RSRC1: variants seen among roughly 807,000 people sequenced by gnomAD.
The protein encoded by RSRC1 is arginine and serine rich coiled-coil 1, also known as serine/Arginine-related protein 53.
RSRC1 carries 39 observed loss-of-function variants against 49.1 expected under a neutral mutation model. The ratio of observed to expected loss-of-function variants is 0.79; its 90% confidence interval spans 0.61 to 1.04. RSRC1 has a LOEUF of 1.04. RSRC1 is among the 50% of genes least tolerant of loss of function. The pLI is 0.00. For synonymous variants in RSRC1, 143 were observed against 130.8 expected, an observed-to-expected ratio of 1.09 and a Z score of -0.63; for missense variants, 388 against 402.4, an observed-to-expected ratio of 0.96 and a Z score of 0.31.
At chr3:158,520,784 T>C (rs946452484) in intron 7 of RSRC1, among the ~76,000 whole-genome samples, 2 of 152,224 alleles carry the variant, frequency 1.3e-5, no homozygotes, top group Admixed American at 6.5e-5. Flanking sequence ...TTTGTGATTA[T>C]TAAATGAGTT....
intron 1 of RSRC1, among the ~76,000 whole-genome samples, chr3:158,117,195 C>T (rs1416110104): frequency 1.3e-5 from 2 of 152,120 alleles, no homozygotes; most frequent in African/African-American, 2.4e-5. Context: ...TTAGAAATTT[C>T]TAGGCTCTTC....
chr3:158,543,272 T>A, intron 8 of RSRC1, 63 bp from the exon 9 acceptor site: 1 of 1,350,906 alleles, frequency 7.4e-7, no homozygotes, highest in Non-Finnish European at 9.7e-7. Context: ...AAATCAGAAA[T>A]ATTTTTGAAG....
At chr3:158,366,408 T>C (rs1361557334) in intron 6 of RSRC1, among the ~76,000 whole-genome samples, 1 of 152,230 alleles carries the variant, frequency 6.6e-6, no homozygotes, top group African/African-American at 2.4e-5. Flanking sequence ...TAGGGAGTCC[T>C]TTCCCCATTT....
At chr3:158,176,567 T>C (rs976406713) in intron 3 of RSRC1, among the ~76,000 whole-genome samples, 5 of 152,290 alleles carry the variant, frequency 3.3e-5, no homozygotes, top group Non-Finnish European at 7.4e-5. Context: ...ATTTAATAAA[T>C]GGTGCTGGGA....
At chr3:158,507,909 C>T (rs1305652684) in intron 7 of RSRC1, among the ~76,000 whole-genome samples, 2 of 151,934 alleles carry the variant, frequency 1.3e-5, no homozygotes, top group Non-Finnish European at 2.9e-5. Flanking sequence ...CCCATTTCAA[C>T]TAAAAAAATT....
At chr3:158,229,039 AAC>A (rs138074688) in intron 4 of RSRC1, among the ~76,000 whole-genome samples, 1 of 25,832 alleles carries the variant, frequency 3.9e-5, no homozygotes, top group Non-Finnish European at 9.3e-5. Flanking sequence ...TGTGTGTATA[AAC>A]ACACATACGT....
intron 5 of RSRC1, among the ~76,000 whole-genome samples, chr3:158,350,178 A>ATT (rs1294069975): frequency 0.021 from 1,707 of 79,574 alleles, 35 homozygotes; most frequent in African/African-American, 0.07. Flanking sequence ...ATATATATAT[A>ATT]ATTTTTTTTT....
intron 5 of RSRC1, among the ~76,000 whole-genome samples, chr3:158,301,111 G>A (rs1241848292): frequency 6.6e-6 from 1 of 151,990 alleles, no homozygotes; most frequent in Non-Finnish European, 1.5e-5. Flanking sequence ...TTCTCTCAAT[G>A]TTGCCAAGTG....
chr3:158,165,163 T>G (rs1718461633), intron 3 of RSRC1, among the ~76,000 whole-genome samples: 1 of 152,218 alleles, frequency 6.6e-6, no homozygotes, highest in South Asian at 2.1e-4. Flanking sequence ...ACACATTAAT[T>G]AGAACCATAA....
chr3:158,468,078 T>C (rs1311753632), intron 7 of RSRC1, among the ~76,000 whole-genome samples: 1 of 152,108 alleles, frequency 6.6e-6, no homozygotes, highest in Non-Finnish European at 1.5e-5. Flanking sequence ...GTACTACAGG[T>C]GCCTGCCACC....
intron 5 of RSRC1, among the ~76,000 whole-genome samples, chr3:158,350,891 C>T (rs1296756247): frequency 1.3e-5 from 2 of 152,162 alleles, no homozygotes; most frequent in East Asian, 3.9e-4. Flanking sequence ...AATTTTAGCA[C>T]GCAGGCCCCA....
intron 7 of RSRC1, among the ~76,000 whole-genome samples, chr3:158,464,809 C>T (rs760442725): frequency 3.3e-5 from 5 of 151,970 alleles, no homozygotes; most frequent in Non-Finnish European, 5.9e-5. Flanking sequence ...TATCCCTGTA[C>T]AACAGGGAGG....
chr3:158,204,625 A>T (rs1157330091), intron 4 of RSRC1, among the ~76,000 whole-genome samples: 1 of 152,172 alleles, frequency 6.6e-6, no homozygotes, highest in African/African-American at 2.4e-5. Context: ...CGAAGGGAGG[A>T]TTTACATACA....
intron 3 of RSRC1, among the ~76,000 whole-genome samples, chr3:158,136,307 C>T (rs1424228286): frequency 1.3e-5 from 2 of 152,054 alleles, no homozygotes; most frequent in Non-Finnish European, 2.9e-5. Context: ...TTTTAAAAAA[C>T]TAATTAGATG....
intron 6 of RSRC1, among the ~76,000 whole-genome samples, chr3:158,384,967 G>T (rs1732893089): frequency 6.6e-6 from 1 of 152,120 alleles, no homozygotes; most frequent in African/African-American, 2.4e-5. Flanking sequence ...AGCAGTTCCA[G>T]ATAGCCCAAT....
At chr3:158,457,714 G>A (rs984393187) in intron 6 of RSRC1, among the ~76,000 whole-genome samples, 5 of 142,132 alleles carry the variant, frequency 3.5e-5, no homozygotes, top group East Asian at 2.0e-4. Flanking sequence ...TTTGTTTTTC[G>A]TTTTTTGTGT....
intron 3 of RSRC1, among the ~76,000 whole-genome samples, chr3:158,202,566 A>ATATATATATATATATATATATATG (rs1559941225): frequency 7.3e-6 from 1 of 137,754 alleles, no homozygotes; most frequent in Non-Finnish European, 1.5e-5. Flanking sequence ...GGTAGATTAT[A>ATATATATATATATATATATATATG]TATATATATA....
intron 4 of RSRC1, among the ~76,000 whole-genome samples, chr3:158,248,612 T>G (rs1397569218): frequency 6.6e-6 from 1 of 151,960 alleles, no homozygotes; most frequent in Admixed American, 6.6e-5. Flanking sequence ...TTTTTTTTTT[T>G]TTTGAGACAG....
intron 7 of RSRC1, among the ~76,000 whole-genome samples, chr3:158,519,883 G>A (rs1711561706): frequency 6.6e-6 from 1 of 152,098 alleles, no homozygotes; most frequent in Non-Finnish European, 1.5e-5. Context: ...AGCCTACATT[G>A]AGCCTTGGAG....
Sources: gnomAD v4.1 joint callset for allele counts (sites outside exome capture counted in the v4.1 genomes callset) on GRCh38, gnomAD v4.1.1 for gene constraint, MANE v1.5 for transcripts, NCBI Gene and HGNC (gene_info 2026-07-23, HGNC 2026-07-21) for gene names.